EMC9: variants seen among roughly 807,000 people sequenced by gnomAD.
EMC9 encodes ER membrane protein complex subunit 9.
Under a neutral mutation model 25.0 loss-of-function variants are expected in EMC9, and 20 were observed. The ratio of observed to expected loss-of-function variants is 0.80; its 90% CI spans 0.56 to 1.16. The LOEUF is 1.16. Ranked by LOEUF, EMC9 falls within the 50% of genes most tolerant of loss-of-function variation. The probability of loss-of-function intolerance (pLI) is 0.00; values close to 1 mark genes in which losing one functional copy is unlikely to be tolerated. For missense variants in EMC9, 256 were observed against 268.7 expected (o/e 0.95, Z 0.33); for synonymous variants, 100 against 107.0 (o/e 0.93, Z 0.40).
rs758239339 is a variant in EMC9, at chr14:24,139,569, G to T, written c.321C>A (p.Phe107Leu). The change falls in exon 4 of 6, where the codon TTC becomes TTA. Residue 107 changes from phenylalanine (F) to leucine (L), a missense_variant. Transcript: ENST00000216799. The surrounding 1 kb of genome is among the most constrained non-coding windows in gnomAD (Gnocchi z 4.6). ...ALKIAGRIAE[F>L]FPDAVLIMLD... ...CCATAATAAGTACTGCATCAGGGAA[G>T]AATTCTGCAATTCGCCCAGCAATTT... The T allele has an allele frequency of 6.2e-7, 1 of 1,614,116 alleles. No individual in the cohort carries two copies.
intron 3 of EMC9, chr14:24,140,273 A>G (rs1305998878): frequency 6.5e-6 from 1 of 153,654 alleles, no homozygotes; most frequent in African/African-American, 2.4e-5. Flanking sequence ...CAGTTAAAGC[A>G]AGATCAGTCT....
chr14:24,139,400 C>G lies in EMC9; in HGVS notation c.400G>C (p.Glu134Gln), dbSNP rs758949552. ...QPRVPPVIVL[E>Q]NQGLRWVPKD... ...GGGACCCAGCGGAGACCTTGGTTCT[C>G]CAGGACGATGACCGGGGGCACACGA... The change falls in exon 5 of 6, where the codon GAG becomes CAG. Residue 134 changes from glutamate (E) to glutamine (Q), a missense_variant. Glu to Gln is a conservative substitution (Grantham distance 29). Transcript: ENST00000216799. The surrounding 1 kb of genome is among the most constrained non-coding windows in gnomAD (Gnocchi z 4.6). 6.2e-7 allele frequency: 1 copy of G among 1,613,998 alleles called. No homozygotes were observed. The highest frequency in any genetic ancestry group is 8.5e-7 in the Non-Finnish European group (1 of 1,180,040).
rs747099244 is a variant in EMC9, at chr14:24,139,168, G to C, written c.469C>G (p.Arg157Gly). The stretch of plus-strand genomic sequence containing the variant: ...TCCAGTAGAGCTCCCACCATCTGCC[G>C]TGACTCTTCCCAGTCCCTCCACATC... ...LVMWRDWEES[R>G]QMVGALLEDR... The change falls in exon 6 of 6, where the codon CGG becomes GGG. Residue 157 changes from arginine to glycine, a missense_variant. Arg to Gly is a moderately radical substitution (Grantham distance 125). Coordinates refer to ENST00000216799, the MANE Select transcript of EMC9 (RefSeq NM_016049.4). The surrounding 1 kb of genome is among the most constrained non-coding windows in gnomAD (Gnocchi z 4.6). 2.5e-6 allele frequency: 4 copies of C among 1,614,152 alleles called. No homozygotes were observed. The South Asian group carries it at 4.4e-5, about 18-fold the overall frequency.
Position 24,139,684 on chromosome 14 carries a change from T to G in EMC9, c.276-70A>C. 3 of 1,574,222 alleles carry G rather than the reference T, an allele frequency of 1.9e-6. No individual in the cohort carries two copies. Among genetic ancestry groups the G allele is most frequent in the Non-Finnish European group, 2.6e-6 (3 of 1,159,768 alleles). On this transcript the variant is annotated intron_variant, in intron 3 of 5. Coordinates refer to ENST00000216799, the MANE Select transcript of EMC9 (RefSeq NM_016049.4). This position sits in a 1 kb window ranked among gnomAD's most constrained non-coding sequence, Gnocchi z 4.6. ...AAAACCCATCCATTTGAGCTGGGCCTCCCAGGTCTCATAGGTGTGGGCGCA... is the reference window on the plus strand; with the variant it reads ...AAAACCCATCCATTTGAGCTGGGCCGCCCAGGTCTCATAGGTGTGGGCGCA...
At chr14:24,140,398 C>T (rs1464072288) in intron 3 of EMC9, 1 of 151,156 alleles carries the variant, frequency 6.6e-6, no homozygotes, top group East Asian at 1.9e-4. Flanking sequence ...GAAACCCCAT[C>T]TCTACTAAAA....
chr14:24,139,748 GCCT>G lies in EMC9; in HGVS notation c.276-137_276-135del. The G allele has an allele frequency of 1.3e-6, 2 of 1,547,010 alleles. No homozygotes were observed. Among genetic ancestry groups the G allele is most frequent in the Non-Finnish European group, 1.7e-6 (2 of 1,144,684 alleles). On this transcript the variant is annotated intron_variant, in intron 3 of 5. Coordinates refer to ENST00000216799, the MANE Select transcript of EMC9 (RefSeq NM_016049.4). This position sits in a 1 kb window ranked among gnomAD's most constrained non-coding sequence, Gnocchi z 4.6. ...CCTGTAGGTGGCCTGCGGGGATCGG[GCCT>G]GCTGGATGCTTGATGCACGACTGCT...
intron 3 of EMC9, chr14:24,140,239 T>C (rs1207910546): frequency 6.5e-6 from 1 of 153,686 alleles, no homozygotes; most frequent in Non-Finnish European, 1.4e-5. Flanking sequence ...ATTTCTCTGT[T>C]CTTTCAGCCC....
Position 24,141,287 on chromosome 14 carries a change from G to A in EMC9, c.18C>T (p.Ile6=). 6.2e-7 allele frequency: 1 copy of A among 1,614,128 alleles called. No individual in the cohort carries two copies. The highest frequency in any genetic ancestry group is 1.1e-5 in the South Asian group (1 of 91,086). The change falls in exon 2 of 6, where the codon ATC becomes ATT. Residue 6 remains isoleucine, a synonymous_variant. Transcript: ENST00000216799. MGEVE[I]SALAYVKMCL... is the part of the protein sequence containing the mutation. ...ACATCTTCACGTAGGCCAGGGCCGA[G>A]ATCTCCACCTCCCCCATGGCGAGCG... is the stretch of plus-strand genomic sequence containing the variant.
intron 3 of EMC9, chr14:24,140,069 T>C (rs1440565753): frequency 3.3e-6 from 1 of 301,018 alleles, no homozygotes; most frequent in Non-Finnish European, 6.5e-6. Context: ...GGAAATGGGA[T>C]GATGTCAAGT....
rs765646611 is a variant in EMC9 at position 24,141,482 on chromosome 14, G to A, written c.-57C>T. The A allele has an allele frequency of 1.4e-4, 100 of 693,642 alleles. No homozygotes were observed. Among genetic ancestry groups the A allele is most frequent in the Non-Finnish European group, 2.3e-4 (93 of 413,296 alleles). The allele number at this position is 693,642 out of a possible 1,614,324, so 43.0% of individuals were successfully genotyped here. ...TAACTCGACTCGCAGGTAGCCCGCC[G>A]GCTCCCGGCGCCCTGGGTCCCGGAG... is the stretch of plus-strand genomic sequence containing the variant. On this transcript the variant is annotated 5_prime_UTR_variant, in exon 1 of 6. Coordinates refer to ENST00000216799, the MANE Select transcript of EMC9 (RefSeq NM_016049.4).
intron 3 of EMC9, chr14:24,140,034 T>C: frequency 2.9e-6 from 1 of 346,114 alleles, no homozygotes; most frequent in Non-Finnish European, 5.7e-6. Flanking sequence ...TCAGACTATA[T>C]AGCTGTTACG....
intron 2 of EMC9, 56 bp from the exon 3 acceptor site, chr14:24,141,021 C>A (rs1470964419): frequency 6.2e-7 from 1 of 1,613,332 alleles, no homozygotes; most frequent in Non-Finnish European, 8.5e-7. Flanking sequence ...TTTGTGGATG[C>A]GCACTGCTGC....
At chr14:24,140,049 A>C (rs1454706680) in intron 3 of EMC9, 1 of 316,448 alleles carries the variant, frequency 3.2e-6, no homozygotes, top group Non-Finnish European at 6.2e-6. Context: ...GTTACGGTAG[A>C]TCTTGGTGTG....
At position 24,141,322 on chromosome 14, in the gene EMC9, C is replaced by T. The variant is rs759260786; in HGVS notation, c.-12-6G>A. ...TCCCCCATGGCGAGCGAGGCCTGGA[C>T]GGGAAGCAGCAAGCCGGATTAGTAC... On this transcript the variant is annotated splice_polypyrimidine_tract_variant and splice_region_variant and intron_variant, in intron 1 of 5. Coordinates refer to ENST00000216799, the MANE Select transcript of EMC9 (RefSeq NM_016049.4). The T allele has an allele frequency of 6.2e-7, 1 of 1,613,266 alleles. No individual in the cohort carries two copies. Among genetic ancestry groups the T allele is most frequent in the South Asian group, 1.1e-5 (1 of 91,060 alleles).
rs763978522 is a variant in EMC9 at position 24,141,103 on chromosome 14, G to A, written c.198+4C>T. The A allele has an allele frequency of 3.1e-6, 5 of 1,613,902 alleles. No individual in the cohort carries two copies. The highest frequency in any genetic ancestry group is 4.2e-6 in the Non-Finnish European group (5 of 1,180,052). ...GGTGGGGGATGGGCATCCAACGGAG[G>A]CACCTGGTTGAGGGCGACCTCCAAC... On this transcript the variant is annotated splice_donor_region_variant and intron_variant, in intron 2 of 5. Transcript: ENST00000216799.
In EMC9 at chr14:24,139,593, T is replaced by A; in HGVS notation, c.297A>T (p.Lys99Asn). The A allele has an allele frequency of 6.2e-7, 1 of 1,614,038 alleles. No individual in the cohort carries two copies. Among genetic ancestry groups the A allele is most frequent in the Admixed American group, 1.7e-5 (1 of 60,010 alleles). The change falls in exon 4 of 6, where the codon AAA becomes AAT. Residue 99 changes from lysine (K) to asparagine (N), a missense_variant. Lys to Asn is a moderately conservative substitution (Grantham distance 94, BLOSUM62 0). Coordinates refer to ENST00000216799, the MANE Select transcript of EMC9 (RefSeq NM_016049.4). The surrounding 1 kb of genome is among the most constrained non-coding windows in gnomAD (Gnocchi z 4.6). ...NDQSPGPLAL[K>N]IAGRIAEFFP... ...AGAATTCTGCAATTCGCCCAGCAAT[T>A]TTCAAGGCCAGGGGCCCAGGGCTGT...
chr14:24,141,323 G>T lies in EMC9; in HGVS notation c.-12-7C>A. ...CCCCCATGGCGAGCGAGGCCTGGAC[G>T]GGAAGCAGCAAGCCGGATTAGTACC... On this transcript the variant is annotated splice_polypyrimidine_tract_variant and splice_region_variant and intron_variant, in intron 1 of 5. Transcript: ENST00000216799. 1 of 1,613,396 alleles carries T rather than the reference G, an allele frequency of 6.2e-7. No homozygotes were observed. Among genetic ancestry groups the T allele is most frequent in the Non-Finnish European group, 8.5e-7 (1 of 1,179,834 alleles).
At position 24,139,669 on chromosome 14, in the gene EMC9, C is replaced by G; in HGVS notation, c.276-55G>C. The G allele has an allele frequency of 1.9e-6, 3 of 1,589,742 alleles. No homozygotes were observed. Among genetic ancestry groups the G allele is most frequent in the Non-Finnish European group, 2.6e-6 (3 of 1,167,814 alleles). On this transcript the variant is annotated intron_variant, in intron 3 of 5. Transcript: ENST00000216799. The surrounding 1 kb of genome is among the most constrained non-coding windows in gnomAD (Gnocchi z 4.6). Reference sequence around the variant, plus strand: ...GAGCCAACTGTGGGCAAAACCCATCCATTTGAGCTGGGCCTCCCAGGTCTC... The same window carrying G: ...GAGCCAACTGTGGGCAAAACCCATCGATTTGAGCTGGGCCTCCCAGGTCTC...
chr14:24,140,941 C>A lies in EMC9; in HGVS notation c.223G>T (p.Gly75Cys). Residue 75 changes from glycine (G) to cysteine (C), a missense_variant, in exon 3 of 6, where the codon GGT (glycine) becomes TGT (cysteine). By Grantham distance (159) the Gly-to-Cys change is radical (BLOSUM62 -3). Transcript: ENST00000216799. Reference sequence around the variant, plus strand: ...TGGTAGTAACCAGCCACCACCAGACCGGCCTGTGCTCCCCACACATCCACC... The same window carrying A: ...TGGTAGTAACCAGCCACCACCAGACAGGCCTGTGCTCCCCACACATCCACC... ...NQVDVWGAQA[G>C]LVVAGYYHAN... 1 of 1,614,266 alleles carries A rather than the reference C, an allele frequency of 6.2e-7. No individual in the cohort carries two copies. The highest frequency in any genetic ancestry group is 8.5e-7 in the Non-Finnish European group (1 of 1,180,054).
Sources: gnomAD v4.1 joint callset for allele counts on GRCh38, gnomAD v4.1.1 for gene constraint, Gnocchi (gnomAD v3.1) non-coding constraint, MANE v1.5 for transcripts, NCBI Gene and HGNC (gene_info 2026-07-23, HGNC 2026-07-21) for gene names.